SANBR: variants seen among roughly 807,000 people sequenced by gnomAD.
The protein encoded by SANBR is SANT and BTB domain regulator of class switch recombination.
Under a neutral mutation model 101.8 loss-of-function variants are expected in SANBR, and 77 were observed. The observed-to-expected ratio is 0.76, with a 90% confidence interval of 0.63 to 0.91. The LOEUF (loss-of-function observed/expected upper bound fraction) is 0.91. Ranked by LOEUF, SANBR falls within the 40% of genes least tolerant of loss-of-function variation. SANBR has a pLI of 0.00. For missense variants in SANBR, 875 were observed against 853.0 expected (o/e 1.03, Z -0.32); for synonymous variants, 279 against 274.7 (o/e 1.02, Z -0.15).
rs1458047998 is a variant in SANBR at position 61,093,889 on chromosome 2, T to C, written c.1212+1302T>C. 5.2e-5 allele frequency: 8 copies of C among 154,292 alleles called. No individual in the cohort carries two copies. In the Admixed American group the frequency reaches 5.2e-4, roughly 10 times the overall value. 9.6% of individuals were successfully genotyped at this position (154,292 alleles called of 1,614,324 possible). ...TAGGAACCTATAATAAACCCTTTTGTGGAATAAATAGGTTTTTCTAAGTCA... is the reference window on the plus strand; with the variant it reads ...TAGGAACCTATAATAAACCCTTTTGCGGAATAAATAGGTTTTTCTAAGTCA... On this transcript the variant is annotated intron_variant, in intron 11 of 21. Transcript: ENST00000402291.
At chr2:61,081,345 A>G in intron 6 of SANBR, 107 bp from the exon 7 acceptor site, 1 of 1,123,104 alleles carries the variant, frequency 8.9e-7, no homozygotes, top group Non-Finnish European at 1.2e-6. Context: ...AGATTGTATT[A>G]AATTATTCTT....
At chr2:61,134,293 G>A (rs1209117524) in intron 21 of SANBR, 5 of 1,543,592 alleles carry the variant, frequency 3.2e-6, no homozygotes, top group Non-Finnish European at 4.4e-6. Flanking sequence ...GCTCAAAAAT[G>A]TTAGCTATTA....
intron 20 of SANBR, among the ~76,000 whole-genome samples, chr2:61,118,576 T>G (rs1573666587): frequency 2.8e-5 from 4 of 143,446 alleles, no homozygotes; most frequent in South Asian, 2.3e-4. Context: ...GTTTTTTTTT[T>G]TTTTTTTTTT....
intron 8 of SANBR, among the ~76,000 whole-genome samples, chr2:61,087,163 A>G (rs1682478287): frequency 6.6e-6 from 1 of 152,198 alleles, no homozygotes; most frequent in South Asian, 2.1e-4. Context: ...ACAAGGTTCA[A>G]AGAGGTTAAG....
chr2:61,118,060 C>G lies in SANBR; in HGVS notation c.1972C>G (p.Leu658Val). ...QRRMTEITGH[L>V]IKMRLGDLDR... ...GCGAATGACTGAAATTACAGGGCAC[C>G]TAATAAAAATGAGATTGGGGGATCT... Residue 658 changes from leucine to valine, a missense_variant, in exon 20 of 22, where the codon CTA (leucine) becomes GTA (valine). Physicochemically the swap from Leu to Val is conservative, Grantham distance 32. Transcript: ENST00000402291. 6.2e-7 allele frequency: 1 copy of G among 1,613,416 alleles called. No individual in the cohort carries two copies. The highest frequency in any genetic ancestry group is 8.5e-7 in the Non-Finnish European group (1 of 1,179,772).
chr2:61,107,531 G>T (rs1683631453), intron 14 of SANBR, among the ~76,000 whole-genome samples: 2 of 152,166 alleles, frequency 1.3e-5, no homozygotes, highest in African/African-American at 4.8e-5. Flanking sequence ...TTCTGTCTTT[G>T]TGTTGGTTAA....
At chr2:61,119,593 A>T (rs1276396326) in intron 20 of SANBR, among the ~76,000 whole-genome samples, 1 of 152,328 alleles carries the variant, frequency 6.6e-6, no homozygotes, top group Non-Finnish European at 1.5e-5. Context: ...AAGGATTTCC[A>T]TGCCAGATAA....
chr2:61,121,133 AGAGCTTCTATT>A, intron 20 of SANBR, 41 bp from the exon 21 acceptor site: 1 of 1,229,268 alleles, frequency 8.1e-7, no homozygotes, highest in Non-Finnish European at 1.2e-6. Context: ...TTAATAAAGC[AGAGCTTCTATT>A]GATTCTGTGA....
chr2:61,097,816 A>G lies in SANBR; in HGVS notation c.1329A>G (p.Gln443=). 3 of 1,613,436 alleles carry G rather than the reference A, an allele frequency of 1.9e-6. No individual in the cohort carries two copies. The highest frequency in any genetic ancestry group is 2.5e-6 in the Non-Finnish European group (3 of 1,179,624). The part of the protein sequence containing the change: ...VGTGIYPCCN[Q]KVLRFDPTQL... ...CTGGAATTTATCCCTGCTGTAACCAAAAGGTTCTTCGGTTTGATCCTACTC... is the reference window on the plus strand; with the variant it reads ...CTGGAATTTATCCCTGCTGTAACCAGAAGGTTCTTCGGTTTGATCCTACTC... Residue 443 remains glutamine, a synonymous_variant, in exon 12 of 22, where the codon CAA becomes CAG. Coordinates refer to ENST00000402291, the MANE Select transcript of SANBR (RefSeq NM_001129993.3).
At chr2:61,086,461 G>A (rs1052394299) in intron 8 of SANBR, among the ~76,000 whole-genome samples, 3 of 151,976 alleles carry the variant, frequency 2.0e-5, no homozygotes, top group Admixed American at 1.3e-4. Flanking sequence ...ATTGATAAAG[G>A]CTACCCAATA....
chr2:61,069,139 T>C (rs1681327217), intron 2 of SANBR, among the ~76,000 whole-genome samples, 154 bp downstream of exon 2: 1 of 152,246 alleles, frequency 6.6e-6, no homozygotes, highest in South Asian at 2.1e-4. Context: ...AACAATGACA[T>C]AGTACTAATT....
At chr2:61,110,276 GCT>G (rs1683767361) in intron 16 of SANBR, among the ~76,000 whole-genome samples, 1 of 152,136 alleles carries the variant, frequency 6.6e-6, no homozygotes, top group South Asian at 2.1e-4. Flanking sequence ...GTGCGCAGTG[GCT>G]CATCCCTGTA....
intron 15 of SANBR, 137 bp from the exon 16 acceptor site, chr2:61,109,060 A>G: frequency 2.3e-6 from 1 of 426,058 alleles, no homozygotes; most frequent in South Asian, 8.4e-5. Context: ...TATTTCCTGG[A>G]TATTGTGCTA....
At chr2:61,099,160 G>A (rs1683173266) in intron 12 of SANBR, among the ~76,000 whole-genome samples, 1 of 152,204 alleles carries the variant, frequency 6.6e-6, no homozygotes, top group Admixed American at 6.5e-5. Flanking sequence ...AGGCTGGAGA[G>A]GTAGGTAGGT....
chr2:61,085,762 C>T (rs766030905), intron 8 of SANBR, among the ~76,000 whole-genome samples: 6 of 152,100 alleles, frequency 3.9e-5, no homozygotes, highest in Non-Finnish European at 5.9e-5. Context: ...CCGCCCGCCT[C>T]GGCCTCCCAA....
At position 61,074,666 on chromosome 2, in the gene SANBR, A is replaced by T. The variant is rs956850706; in HGVS notation, c.431+1115A>T. ...TGATCCTCCTGCCTTGGCCTCCCAA[A>T]GTGCTGGGATTACAGGTGTGATCCA... On this transcript the variant is annotated intron_variant, in intron 5 of 21. Transcript: ENST00000402291. 5.3e-5 allele frequency among the ~76,000 whole-genome samples: 8 copies of T among 152,228 alleles called. No individual in the cohort carries two copies. In the South Asian group the frequency reaches 1.7e-3, roughly 32 times the overall value.
At position 61,070,499 on chromosome 2, in the gene SANBR, A is replaced by G. The variant is rs1390991886; in HGVS notation, c.149A>G (p.Glu50Gly). The G allele has an allele frequency of 3.1e-6, 5 of 1,606,252 alleles. No individual in the cohort carries two copies. In the Middle Eastern group the frequency reaches 5.0e-4, roughly 159 times the overall value. The change falls in exon 3 of 22, where the codon GAG becomes GGG. Residue 50 changes from glutamate (E) to glycine (G), a missense_variant and splice_region_variant. By Grantham distance (98) the Glu-to-Gly change is moderately conservative. Coordinates refer to ENST00000402291, the MANE Select transcript of SANBR (RefSeq NM_001129993.3). The part of the protein sequence containing the change: ...ARLVPGLTPK[E>G]CAKRFDELKS... The stretch of plus-strand genomic sequence containing the variant: ...CTCGTGCCTGGATTAACACCAAAAG[A>G]GGTAAATAACAGTCCCCCCAGAATA...
In SANBR at chr2:61,106,654, C is replaced by T. The variant is rs368999486; in HGVS notation, c.1603C>T (p.Leu535Phe). 1 of 1,565,666 alleles carries T rather than the reference C, an allele frequency of 6.4e-7. No homozygotes were observed. ...ACCATGGGGTCCCAAAACTGGGGAG[C>T]TCAATGCTGTGAGTAGTTTTTTTTC... ...NTPWGPKTGE[L>F]NAFLSLKNWT... is the part of the protein sequence containing the mutation. The change falls in exon 14 of 22, where the codon CTC (leucine) becomes TTC (phenylalanine). Residue 535 changes from leucine to phenylalanine, a missense_variant. Physicochemically the swap from Leu to Phe is conservative, Grantham distance 22 (BLOSUM62 0). Coordinates refer to ENST00000402291, the MANE Select transcript of SANBR (RefSeq NM_001129993.3).
chr2:61,069,253 G>A (rs1681334197), intron 2 of SANBR, among the ~76,000 whole-genome samples: 1 of 152,104 alleles, frequency 6.6e-6, no homozygotes, highest in South Asian at 2.1e-4. Context: ...TATTTATGCA[G>A]CATCTCATTT....
Sources: allele counts gnomAD v4.1 joint callset (sites outside exome capture counted in the v4.1 genomes callset), GRCh38; gene constraint gnomAD v4.1.1; transcripts MANE v1.5; gene names NCBI Gene and HGNC (gene_info 2026-07-23, HGNC 2026-07-21).